Variants in ATG4B observed in about 807,000 individuals in gnomAD.
ATG4B encodes cysteine protease ATG4B.
A neutral mutation model predicts 56.6 loss-of-function variants in ATG4B; 29 were observed. The ratio of observed to expected loss-of-function variants is 0.51; its 90% CI spans 0.38 to 0.70. The LOEUF is 0.70. Ranked by LOEUF, ATG4B falls within the 30% of genes least tolerant of loss-of-function variation. ATG4B has a pLI of 0.00. For synonymous variants in ATG4B, 224 were observed against 206.1 expected, an observed-to-expected ratio of 1.09 and a Z score of -0.74; for missense variants, 461 against 515.5, an observed-to-expected ratio of 0.89 and a Z score of 1.02.
chr2:241,662,958 G>A (rs1018150690), intron 7 of ATG4B, among the ~76,000 whole-genome samples: 7 of 152,130 alleles, frequency 4.6e-5, no homozygotes, highest in South Asian at 2.1e-4. Flanking sequence ...AAAGCGGGCC[G>A]GGCGCGGTGG....
chr2:241,659,126 T>TA lies in ATG4B; in HGVS notation c.478dup (p.Thr160AsnfsTer52), dbSNP rs759528203. 6.2e-7 allele frequency: 1 copy of TA among 1,609,930 alleles called. No homozygotes were observed. ...TCTGTAGGAAGCTTGCTGTCTTCGA[T>TA]ACGTGGAGCTCCTTGGCGGTCCACA... On this transcript the variant is annotated frameshift_variant, in exon 7 of 13. Transcript: ENST00000404914. LOFTEE classifies it high-confidence loss of function.
rs1436899745 is a variant in ATG4B, at chr2:241,668,519, C to T, written c.812-21C>T. 2.5e-6 allele frequency: 4 copies of T among 1,603,994 alleles called. No homozygotes were observed. Among genetic ancestry groups the T allele is most frequent in the Admixed American group, 1.7e-5 (1 of 59,436 alleles). On this transcript the variant is annotated intron_variant, in intron 9 of 12. Transcript: ENST00000404914. The surrounding 1 kb of genome is among the most constrained non-coding windows in gnomAD (Gnocchi z 4.2). ...TCTGCCGGCTCGGCCACCCACCTGCCCACCTGCCTCATCCTCCCAGGTGAG... is the reference window on the plus strand; with the variant it reads ...TCTGCCGGCTCGGCCACCCACCTGCTCACCTGCCTCATCCTCCCAGGTGAG...
chr2:241,638,770 C>T (rs1211676214), intron 1 of ATG4B, among the ~76,000 whole-genome samples: 1 of 152,206 alleles, frequency 6.6e-6, no homozygotes, highest in Non-Finnish European at 1.5e-5. Flanking sequence ...AACAGGAGCC[C>T]TGACTCCCTA....
At chr2:241,655,126 C>T (rs1575071849) in intron 5 of ATG4B, 145 bp from the exon 6 acceptor site, 13 of 735,092 alleles carry the variant, frequency 1.8e-5, no homozygotes, top group Admixed American at 1.4e-4. Context: ...ATGCCTCCCC[C>T]GATCTTGTTG....
chr2:241,667,241 A>C (rs1184259262), intron 8 of ATG4B, among the ~76,000 whole-genome samples: 4 of 151,960 alleles, frequency 2.6e-5, no homozygotes, highest in African/African-American at 4.8e-5. Context: ...TGAGGAAGGG[A>C]CGTGTGGGCA....
intron 1 of ATG4B, among the ~76,000 whole-genome samples, chr2:241,638,881 C>G (rs1209347894): frequency 6.6e-6 from 1 of 152,198 alleles, no homozygotes; most frequent in Non-Finnish European, 1.5e-5. Context: ...TTGTTGTTTA[C>G]TATTTTACAA....
In ATG4B at chr2:241,673,498, A is replaced by G. The variant is rs2069048490; in HGVS notation, c.*1234A>G. 2 of 393,020 alleles carry G rather than the reference A, an allele frequency of 5.1e-6. No individual in the cohort carries two copies. The highest frequency in any genetic ancestry group is 3.5e-5 in the South Asian group (2 of 56,782). The allele number at this position is 393,020 out of a possible 1,614,324, so 24.3% of individuals were successfully genotyped here. On this transcript the variant is annotated 3_prime_UTR_variant, in exon 13 of 13. Coordinates refer to ENST00000404914, the MANE Select transcript of ATG4B (RefSeq NM_013325.5). ...GCTTGTGTAGGTCGGGGAGCCAGAG[A>G]TCCCCGAGGACGCGCGCCGGACAGT...
chr2:241,668,470 A>C lies in ATG4B; in HGVS notation c.812-70A>C. 6.4e-7 allele frequency: 1 copy of C among 1,554,216 alleles called. No individual in the cohort carries two copies. The highest frequency in any genetic ancestry group is 8.7e-7 in the Non-Finnish European group (1 of 1,153,518). Reference sequence around the variant, plus strand: ...GTGATGTGGGTGCAGTGGGTCTGAAATGCGGCCTCCTCTGTCCCTTTCCTC... The same window carrying C: ...GTGATGTGGGTGCAGTGGGTCTGAACTGCGGCCTCCTCTGTCCCTTTCCTC... On this transcript the variant is annotated intron_variant, in intron 9 of 12. Coordinates refer to ENST00000404914, the MANE Select transcript of ATG4B (RefSeq NM_013325.5). The surrounding 1 kb of genome is among the most constrained non-coding windows in gnomAD (Gnocchi z 4.2).
chr2:241,666,463 G>C (rs2068774662), intron 7 of ATG4B, 182 bp from the exon 8 acceptor site: 3 of 636,874 alleles, frequency 4.7e-6, no homozygotes, highest in Non-Finnish European at 8.3e-6. Flanking sequence ...TTTTTTCTCT[G>C]GGTGGCAAGA....
At chr2:241,638,850 C>G (rs891678601) in intron 1 of ATG4B, among the ~76,000 whole-genome samples, 4 of 152,306 alleles carry the variant, frequency 2.6e-5, no homozygotes, top group African/African-American at 9.6e-5. Flanking sequence ...CACGGTTGAA[C>G]TATTTGCAGC....
chr2:241,648,612 A>T (rs559191013), intron 1 of ATG4B, among the ~76,000 whole-genome samples: 1 of 151,832 alleles, frequency 6.6e-6, no homozygotes, highest in Non-Finnish European at 1.5e-5. Context: ...AAAAAGAAAA[A>T]AAAACAGGAG....
intron 6 of ATG4B, chr2:241,655,561 C>T (rs1002301705): frequency 6.4e-5 from 37 of 579,080 alleles, no homozygotes; most frequent in Non-Finnish European, 9.5e-5. Flanking sequence ...TCCTGGCTGG[C>T]ACATTGGACC....
At chr2:241,663,413 T>C (rs890110301) in intron 7 of ATG4B, among the ~76,000 whole-genome samples, 1 of 152,036 alleles carries the variant, frequency 6.6e-6, no homozygotes, top group African/African-American at 2.4e-5. Flanking sequence ...ATGAAACTAA[T>C]GCGGAATAAA....
chr2:241,660,295 C>T (rs1167675336), intron 7 of ATG4B, among the ~76,000 whole-genome samples: 1 of 152,242 alleles, frequency 6.6e-6, no homozygotes, highest in African/African-American at 2.4e-5. Flanking sequence ...CAGGTCACCA[C>T]ACAGGTGTGT....
chr2:241,651,390 A>G lies in ATG4B; in HGVS notation c.184+55A>G. On this transcript the variant is annotated intron_variant, in intron 3 of 12. Coordinates refer to ENST00000404914, the MANE Select transcript of ATG4B (RefSeq NM_013325.5). This position sits in a 1 kb window ranked among gnomAD's most constrained non-coding sequence, Gnocchi z 4.1. ...ACAAAATATGTTTTTAGGAAGGAGG[A>G]AAACTTACGCTTGTAGATTTGACTT... The G allele has an allele frequency of 7.4e-7, 1 of 1,357,974 alleles. No individual in the cohort carries two copies. Among genetic ancestry groups the G allele is most frequent in the South Asian group, 1.3e-5 (1 of 76,730 alleles). 84.1% of individuals were successfully genotyped at this position (1,357,974 alleles called of 1,614,324 possible).
chr2:241,643,696 C>T (rs200245158), intron 1 of ATG4B, among the ~76,000 whole-genome samples: 25,656 of 90,346 alleles, frequency 0.28, 3,658 homozygotes, highest in East Asian at 0.58. Flanking sequence ...ATATATTTTC[C>T]CCCCCCCCCG....
chr2:241,639,995 T>G (rs993850468), intron 1 of ATG4B, among the ~76,000 whole-genome samples: 1 of 151,360 alleles, frequency 6.6e-6, no homozygotes, highest in African/African-American at 2.4e-5. Context: ...GACCCACCCC[T>G]CTCTGCCTAG....
intron 1 of ATG4B, among the ~76,000 whole-genome samples, chr2:241,638,872 T>C (rs1466086119): frequency 6.6e-6 from 1 of 152,254 alleles, no homozygotes; most frequent in African/African-American, 2.4e-5. Flanking sequence ...GTGTACTATT[T>C]GTTGTTTACT....
At chr2:241,662,957 C>T (rs1007739373) in intron 7 of ATG4B, among the ~76,000 whole-genome samples, 5 of 151,570 alleles carry the variant, frequency 3.3e-5, no homozygotes, top group Non-Finnish European at 5.9e-5. Flanking sequence ...TAAAGCGGGC[C>T]GGGCGCGGTG....
Sources: allele counts gnomAD v4.1 joint callset (sites outside exome capture counted in the v4.1 genomes callset), GRCh38; gene constraint gnomAD v4.1.1; non-coding constraint Gnocchi (gnomAD v3.1); transcripts MANE v1.5; gene names NCBI Gene and HGNC (gene_info 2026-07-23, HGNC 2026-07-21).